RUFY2: variants seen among roughly 807,000 people sequenced by gnomAD.
RUFY2 encodes the protein RUN and FYVE domain containing 2, also known as RUN and FYVE domain-containing protein 2.
A neutral mutation model predicts 94.4 loss-of-function variants in RUFY2; 49 were observed. The ratio of observed to expected loss-of-function variants is 0.52; its 90% CI spans 0.41 to 0.66. The LOEUF (loss-of-function observed/expected upper bound fraction) is 0.66. Ranked by LOEUF, RUFY2 falls within the 30% of genes least tolerant of loss-of-function variation. The probability of loss-of-function intolerance (pLI) is 0.00; values close to 1 mark genes in which losing one functional copy is unlikely to be tolerated. For missense variants in RUFY2, 541 were observed against 692.8 expected (o/e 0.78, Z 2.46); for synonymous variants, 255 against 235.7 (o/e 1.08, Z -0.75).
chr10:68,395,247 A>C (rs1270132428), intron 4 of RUFY2, among the ~76,000 whole-genome samples: 1 of 152,040 alleles, frequency 6.6e-6, no homozygotes, highest in Non-Finnish European at 1.5e-5. Context: ...CTGAGACAGG[A>C]GAATTGCCTG....
intron 13 of RUFY2, among the ~76,000 whole-genome samples, chr10:68,369,908 C>A (rs2048136102): frequency 6.6e-6 from 1 of 152,132 alleles, no homozygotes; most frequent in Admixed American, 6.6e-5. Flanking sequence ...CTTGGACTTC[C>A]CAGATTCCAG....
At chr10:68,365,825 TAC>T (rs2047770105) in intron 13 of RUFY2, among the ~76,000 whole-genome samples, 1 of 152,184 alleles carries the variant, frequency 6.6e-6, no homozygotes, top group South Asian at 2.1e-4. Flanking sequence ...AGTGAGGACT[TAC>T]TGTGTATGTT....
intron 7 of RUFY2, among the ~76,000 whole-genome samples, chr10:68,392,125 G>A (rs1467761926): frequency 6.6e-6 from 1 of 151,096 alleles, no homozygotes; most frequent in African/African-American, 2.4e-5. Context: ...TCCACCTCCT[G>A]GGTTCAAGTG....
At chr10:68,399,283 C>T (rs2050637065) in intron 3 of RUFY2, among the ~76,000 whole-genome samples, 1 of 151,968 alleles carries the variant, frequency 6.6e-6, no homozygotes. Flanking sequence ...TGGGCTCAGG[C>T]AATCCACCCA....
At chr10:68,342,207 G>A (rs893619427), downstream of RUFY2, 18 of 552,476 alleles carry the variant, frequency 3.3e-5, no homozygotes, top group Non-Finnish European at 5.3e-5. Flanking sequence ...ATTGTGATGG[G>A]AAAATGTTTT....
intron 11 of RUFY2, among the ~76,000 whole-genome samples, chr10:68,381,000 T>C (rs940637905): frequency 3.9e-5 from 6 of 152,216 alleles, no homozygotes; most frequent in African/African-American, 1.2e-4. Flanking sequence ...TCCCAAAAGA[T>C]TTAATCTTCA....
chr10:68,370,377 C>T (rs1224493160), intron 13 of RUFY2, among the ~76,000 whole-genome samples: 1 of 151,742 alleles, frequency 6.6e-6, no homozygotes, highest in African/African-American at 2.4e-5. Flanking sequence ...TGAAGCAACC[C>T]CACTGGTAAC....
At chr10:68,397,722 G>T (rs2050495858) in intron 3 of RUFY2, among the ~76,000 whole-genome samples, 1 of 151,662 alleles carries the variant, frequency 6.6e-6, no homozygotes, top group Non-Finnish European at 1.5e-5. Flanking sequence ...AGGCTGCAGT[G>T]AACAGTGATT....
At chr10:68,357,675 A>G (rs1051491862) in intron 15 of RUFY2, among the ~76,000 whole-genome samples, 5 of 152,130 alleles carry the variant, frequency 3.3e-5, no homozygotes, top group Admixed American at 6.6e-5. Flanking sequence ...TTTTAAATGG[A>G]ATAATTATCT....
intron 7 of RUFY2, among the ~76,000 whole-genome samples, chr10:68,391,454 G>C (rs1259270540): frequency 2.0e-5 from 3 of 151,826 alleles, no homozygotes; most frequent in Non-Finnish European, 4.4e-5. Context: ...TTGAAGACCA[G>C]CCTGAGCAAC....
intron 7 of RUFY2, among the ~76,000 whole-genome samples, chr10:68,391,013 CA>C (rs1475245733): frequency 3.3e-5 from 5 of 150,448 alleles, no homozygotes; most frequent in Admixed American, 6.7e-5. Flanking sequence ...CGGCTCACTG[CA>C]ATCTCCACCT....
intron 16 of RUFY2, among the ~76,000 whole-genome samples, chr10:68,351,503 G>A (rs1326148244): frequency 7.0e-6 from 1 of 143,346 alleles, no homozygotes; most frequent in Admixed American, 7.3e-5. Flanking sequence ...AGGCGGGAGT[G>A]CAGTGGTGCA....
At chr10:68,341,445 G>A, downstream of RUFY2, 2 of 1,037,796 alleles carry the variant, frequency 1.9e-6, no homozygotes, top group Admixed American at 2.5e-5. Flanking sequence ...CTTTCTGTGG[G>A]CTTTATATAT....
intron 12 of RUFY2, chr10:68,378,599 T>C: frequency 2.5e-6 from 4 of 1,611,632 alleles, no homozygotes; most frequent in Non-Finnish European, 3.4e-6. Flanking sequence ...GTACTGGTCC[T>C]GCGTGTCACT....
chr10:68,345,005 T>TG lies in RUFY2; in HGVS notation c.*762dup, dbSNP rs967426023. On this transcript the variant is annotated 3_prime_UTR_variant, in exon 18 of 18. Transcript: ENST00000602465. ...AGGATTTGTGTTTTCATCTTTGAAT[T>TG]GGGGTCTGAGTCACCCCTTAAAAAA... 6.6e-6 allele frequency: 1 copy of TG among 152,230 alleles called. No individual in the cohort carries two copies. The highest frequency in any genetic ancestry group is 1.5e-5 in the Non-Finnish European group (1 of 68,046). 9.4% of individuals were successfully genotyped at this position (152,230 alleles called of 1,614,324 possible).
intron 3 of RUFY2, among the ~76,000 whole-genome samples, chr10:68,397,608 T>TA (rs1177782085): frequency 6.7e-6 from 1 of 149,946 alleles, no homozygotes; most frequent in Non-Finnish European, 1.5e-5. Flanking sequence ...TAAAAAAAAT[T>TA]AAAAAAGTGA....
chr10:68,363,974 C>A lies in RUFY2; in HGVS notation c.1455+10G>T. The A allele has an allele frequency of 6.5e-7, 1 of 1,546,438 alleles. No homozygotes were observed. The highest frequency in any genetic ancestry group is 1.2e-5 in the South Asian group (1 of 83,736). On this transcript the variant is annotated intron_variant, in intron 14 of 17. Transcript: ENST00000602465. ...CAAGACAGAATTTTTAAAGTTTTAC[C>A]ACTATTTACTTTTTTAAGACTAATG...
rs145236970 is a variant in RUFY2, at chr10:68,399,681, C to T, written c.296+1939G>A. Among the ~76,000 whole-genome samples the T allele has an allele frequency of 5.8e-3, 885 of 152,286 alleles. 5 individuals carry two copies. Among genetic ancestry groups the T allele is most frequent in the Admixed American group, 0.014 (218 of 15,286 alleles). On this transcript the variant is annotated intron_variant, in intron 3 of 17. Transcript: ENST00000602465. ...AGTTGTAAAACTATGAGAAAACAAA[C>T]GATTAACCTTACAGAAAATGCTTAA...
At chr10:68,389,789 C>T (rs910650314) in intron 7 of RUFY2, among the ~76,000 whole-genome samples, 49 of 149,584 alleles carry the variant, frequency 3.3e-4, no homozygotes, top group African/African-American at 1.1e-3. Context: ...AAAGAGCTCT[C>T]GTCTCAAAAA....
Sources: gnomAD v4.1 joint callset for allele counts (sites outside exome capture counted in the v4.1 genomes callset) on GRCh38, gnomAD v4.1.1 for gene constraint, MANE v1.5 for transcripts, NCBI Gene and HGNC (gene_info 2026-07-23, HGNC 2026-07-21) for gene names.